ASAP1: variants seen among roughly 807,000 people sequenced by gnomAD.
The protein encoded by ASAP1 is arf-GAP with SH3 domain, ANK repeat and PH domain-containing protein 1.
ASAP1 carries 43 observed loss-of-function variants against 145.2 expected under a neutral mutation model. The observed-to-expected ratio is 0.30, with a 90% CI of 0.23 to 0.38. The LOEUF (loss-of-function observed/expected upper bound fraction) is 0.38. Ranked by LOEUF, ASAP1 falls within the 10% of genes least tolerant of loss-of-function variation. The probability of loss-of-function intolerance (pLI) is 1.00; values close to 1 mark genes in which losing one functional copy is unlikely to be tolerated. For missense variants in ASAP1, 1,018 were observed against 1,355.3 expected (o/e 0.75, Z 3.91); for synonymous variants, 546 against 515.5 (o/e 1.06, Z -0.80).
intron 27 of ASAP1, among the ~76,000 whole-genome samples, chr8:130,070,154 A>G (rs1470024520): frequency 2.6e-5 from 4 of 151,094 alleles, no homozygotes; most frequent in African/African-American, 4.9e-5. Flanking sequence ...CTCCTGCCTC[A>G]GCCTCCTGAG....
chr8:130,194,737 C>T (rs76132026), intron 5 of ASAP1, among the ~76,000 whole-genome samples: 3,083 of 152,234 alleles, frequency 0.02, 102 homozygotes, highest in African/African-American at 0.069. Context: ...ACAGGGTTTG[C>T]GCTGCTTTGA....
At chr8:130,309,561 A>T (rs1020520760) in intron 3 of ASAP1, among the ~76,000 whole-genome samples, 1 of 152,188 alleles carries the variant, frequency 6.6e-6, no homozygotes, top group African/African-American at 2.4e-5. Flanking sequence ...CAGAGGCGTG[A>T]CCAGGACGGC....
Position 130,118,391 on chromosome 8 carries a change from T to C in ASAP1, c.1794+98A>G. On this transcript the variant is annotated intron_variant, in intron 19 of 29. Coordinates refer to ENST00000518721, the MANE Select transcript of ASAP1 (RefSeq NM_018482.4). ...TTGATTTAGACATGGCCACCCAATG[T>C]ATAAGAATCTCATTATATGGTATAA... 3.6e-6 allele frequency: 5 copies of C among 1,391,172 alleles called. No individual in the cohort carries two copies. The South Asian group carries it at 6.7e-5, about 19-fold the overall frequency. The allele number at this position is 1,391,172 out of a possible 1,614,324, so 86.2% of individuals were successfully genotyped here.
chr8:130,178,402 G>A (rs1297737150), intron 9 of ASAP1, among the ~76,000 whole-genome samples: 1 of 152,148 alleles, frequency 6.6e-6, no homozygotes, highest in Admixed American at 6.5e-5. Context: ...AAGTAAACAA[G>A]CAAATGTGGC....
intron 5 of ASAP1, among the ~76,000 whole-genome samples, chr8:130,203,735 A>C (rs891289732): frequency 3.7e-4 from 56 of 152,206 alleles, no homozygotes; most frequent in African/African-American, 9.9e-4. Flanking sequence ...TTTTCTGTTA[A>C]GAAAGGAAAA....
At chr8:130,276,687 A>AAC (rs1161892776) in intron 3 of ASAP1, among the ~76,000 whole-genome samples, 3,949 of 91,274 alleles carry the variant, frequency 0.043, 142 homozygotes, top group African/African-American at 0.08. Flanking sequence ...CAAGACTGCA[A>AAC]ACACACACAC....
intron 18 of ASAP1, 81 bp downstream of exon 18, chr8:130,123,927 CAAAAA>C: frequency 1.2e-6 from 1 of 853,910 alleles, no homozygotes. Context: ...TGCACCCAGC[CAAAAA>C]AAAAAAAAGA....
At chr8:130,425,705 A>G (rs1374773454) in intron 1 of ASAP1, among the ~76,000 whole-genome samples, 2 of 152,228 alleles carry the variant, frequency 1.3e-5, no homozygotes, top group Non-Finnish European at 1.5e-5. Flanking sequence ...GCTAATCATC[A>G]TAAGCATTTA....
chr8:130,388,828 G>A (rs1159183063), intron 2 of ASAP1, among the ~76,000 whole-genome samples: 2 of 152,152 alleles, frequency 1.3e-5, no homozygotes, highest in Non-Finnish European at 2.9e-5. Flanking sequence ...CATCTTAACA[G>A]GCTTTCCTTA....
chr8:130,342,296 C>T (rs1424332240), intron 3 of ASAP1, among the ~76,000 whole-genome samples: 1 of 152,144 alleles, frequency 6.6e-6, no homozygotes, highest in Admixed American at 6.5e-5. Context: ...CAAGTCACTC[C>T]TTCCCTCAGT....
At chr8:130,384,691 A>T (rs1827931846) in intron 2 of ASAP1, among the ~76,000 whole-genome samples, 1 of 152,188 alleles carries the variant, frequency 6.6e-6, no homozygotes, top group Admixed American at 6.5e-5. Flanking sequence ...CATGTTGCCC[A>T]GGCTGATCTT....
intron 1 of ASAP1, among the ~76,000 whole-genome samples, chr8:130,426,169 C>T (rs1829909056): frequency 6.6e-6 from 1 of 152,056 alleles, no homozygotes; most frequent in African/African-American, 2.4e-5. Context: ...TCCCGAGATC[C>T]GCTTGTTTAA....
chr8:130,365,230 T>G (rs1826897577), intron 2 of ASAP1, among the ~76,000 whole-genome samples: 1 of 152,162 alleles, frequency 6.6e-6, no homozygotes, highest in Non-Finnish European at 1.5e-5. Flanking sequence ...ATAAGCACAA[T>G]TTGCTCAAGG....
intron 24 of ASAP1, among the ~76,000 whole-genome samples, chr8:130,111,338 G>C (rs2097546516): frequency 6.6e-6 from 1 of 151,380 alleles, no homozygotes; most frequent in Non-Finnish European, 1.5e-5. Flanking sequence ...ACTGAGAAAG[G>C]CCTGTCTCAA....
At chr8:130,123,830 G>A (rs761849621) in intron 18 of ASAP1, among the ~76,000 whole-genome samples, 183 bp downstream of exon 18, 2 of 151,554 alleles carry the variant, frequency 1.3e-5, no homozygotes, top group Non-Finnish European at 2.9e-5. Flanking sequence ...GGGTTTCACC[G>A]TGTTAGCCAG....
At chr8:130,400,251 T>C (rs73711692) in intron 2 of ASAP1, among the ~76,000 whole-genome samples, 11,733 of 152,246 alleles carry the variant, frequency 0.077, 579 homozygotes, top group African/African-American at 0.12. Flanking sequence ...AGGTCAACCC[T>C]GTGCCAGTCA....
rs559517747 is a variant in ASAP1, at chr8:130,346,810, T to C, written c.186+11207A>G. On this transcript the variant is annotated intron_variant, in intron 3 of 29. Coordinates refer to ENST00000518721, the MANE Select transcript of ASAP1 (RefSeq NM_018482.4). ...GCAGCAGCAGCTGCTGGGCCAGCAG[T>C]GAGTGCTTATTTTGATTTGTACTTT... 1.4e-3 allele frequency among the ~76,000 whole-genome samples: 198 copies of C among 145,574 alleles called. 2 individuals carry two copies. Among genetic ancestry groups the C allele is most frequent in the Admixed American group, 3.4e-3 (50 of 14,820 alleles).
intron 27 of ASAP1, among the ~76,000 whole-genome samples, chr8:130,066,797 A>G (rs1365878312): frequency 6.6e-6 from 1 of 152,206 alleles, no homozygotes; most frequent in Non-Finnish European, 1.5e-5. Flanking sequence ...GAGGGCCATA[A>G]GAGTCCCACA....
At chr8:130,251,964 G>A (rs760545483) in intron 3 of ASAP1, among the ~76,000 whole-genome samples, 6 of 152,130 alleles carry the variant, frequency 3.9e-5, no homozygotes, top group Non-Finnish European at 8.8e-5. Context: ...CCTTACATTT[G>A]ACATAGTAAA....
Sources: allele counts gnomAD v4.1 joint callset (sites outside exome capture counted in the v4.1 genomes callset), GRCh38; gene constraint gnomAD v4.1.1; transcripts MANE v1.5; gene names NCBI Gene and HGNC (gene_info 2026-07-23, HGNC 2026-07-21).